PDE4D: variants seen among roughly 807,000 people sequenced by gnomAD.
PDE4D encodes the protein 3',5'-cyclic-AMP phosphodiesterase 4D.
In PDE4D, 24 loss-of-function variants were observed where a neutral mutation model predicts 87.4. The observed-to-expected ratio is 0.27, with a 90% CI of 0.20 to 0.39. The LOEUF (loss-of-function observed/expected upper bound fraction) is 0.39, where lower values mean the gene tolerates loss of function less well. Ranked by LOEUF, PDE4D falls within the 10% of genes least tolerant of loss-of-function variation. PDE4D has a pLI of 1.00. For synonymous variants in PDE4D, 384 were observed against 383.2 expected, an observed-to-expected ratio of 1.00 and a Z score of -0.02; for missense variants, 714 against 1,041.0, an observed-to-expected ratio of 0.69 and a Z score of 4.32.
At chr5:60,276,213 G>A (rs911675612) in intron 1 of PDE4D, among the ~76,000 whole-genome samples, 7 of 152,160 alleles carry the variant, frequency 4.6e-5, no homozygotes, top group African/African-American at 1.7e-4. Flanking sequence ...ATCAATTGTT[G>A]AGAAAGAAGG....
intron 1 of PDE4D, among the ~76,000 whole-genome samples, chr5:59,622,293 C>T (rs1284709329): frequency 6.6e-6 from 1 of 152,066 alleles, no homozygotes; most frequent in Non-Finnish European, 1.5e-5. Context: ...AGTATTATTG[C>T]AGGTATCAAT....
At chr5:60,476,957 A>G (rs1475478886) in intron 1 of PDE4D, among the ~76,000 whole-genome samples, 1 of 152,216 alleles carries the variant, frequency 6.6e-6, no homozygotes, top group Admixed American at 6.5e-5. Flanking sequence ...TTACACTAGT[A>G]TATTACTAAT....
At position 59,477,078 on chromosome 5, in the gene PDE4D, T is replaced by G. The variant is rs1479772023; in HGVS notation, c.456-261110A>C. ...AATTATCAAATTCAAGAATTTGAAT[T>G]TCTATTCACAATTGACAGAATATAT... On this transcript the variant is annotated intron_variant, in intron 1 of 14. Transcript: ENST00000340635. Among the ~76,000 whole-genome samples, 6 of 151,960 alleles carry G rather than the reference T, an allele frequency of 3.9e-5. 1 individual carries two copies. The South Asian group carries it at 1.0e-3, about 26-fold the overall frequency.
intron 2 of PDE4D, among the ~76,000 whole-genome samples, chr5:60,172,701 C>A (rs1783577548): frequency 6.6e-6 from 1 of 152,056 alleles, no homozygotes; most frequent in Non-Finnish European, 1.5e-5. Flanking sequence ...AGGCTTTAAC[C>A]AGGCCATCTT....
At chr5:60,272,214 A>G (rs1427521074) in intron 1 of PDE4D, among the ~76,000 whole-genome samples, 1 of 152,356 alleles carries the variant, frequency 6.6e-6, no homozygotes, top group East Asian at 1.9e-4. Flanking sequence ...ATGACCCCAT[A>G]CAACACAAAT....
intron 2 of PDE4D, among the ~76,000 whole-genome samples, chr5:60,053,212 A>T (rs927814633): frequency 4.6e-5 from 7 of 152,164 alleles, no homozygotes. Context: ...TACAGAACCA[A>T]AAAAGAGCCC....
At chr5:59,183,407 C>A (rs1742130128) in intron 4 of PDE4D, among the ~76,000 whole-genome samples, 1 of 152,146 alleles carries the variant, frequency 6.6e-6, no homozygotes, top group African/African-American at 2.4e-5. Flanking sequence ...AAACTTCTGT[C>A]TTGCATAGAA....
At chr5:59,341,950 T>C (rs528196663) in intron 1 of PDE4D, among the ~76,000 whole-genome samples, 1 of 152,284 alleles carries the variant, frequency 6.6e-6, no homozygotes, top group Non-Finnish European at 1.5e-5. Flanking sequence ...TCTCATTTAA[T>C]ACTTGAATAA....
intron 1 of PDE4D, among the ~76,000 whole-genome samples, chr5:60,450,192 T>TA (rs1207952165): frequency 3.3e-5 from 5 of 152,192 alleles, no homozygotes; most frequent in African/African-American, 7.2e-5. Context: ...CTTACCTTTT[T>TA]AAAAAAATCT....
intron 1 of PDE4D, among the ~76,000 whole-genome samples, chr5:59,868,079 A>T (rs1747309733): frequency 6.6e-6 from 1 of 152,162 alleles, no homozygotes; most frequent in Non-Finnish European, 1.5e-5. Context: ...TTGCAAAGTC[A>T]AGTAAAATTG....
At chr5:60,206,260 T>C (rs1156642181) in intron 1 of PDE4D, among the ~76,000 whole-genome samples, 2 of 152,176 alleles carry the variant, frequency 1.3e-5, no homozygotes, top group East Asian at 3.9e-4. Flanking sequence ...TCTCAGAAAT[T>C]CAAAGCCTTC....
intron 1 of PDE4D, among the ~76,000 whole-genome samples, chr5:59,222,155 T>C (rs560122014): frequency 1.4e-4 from 22 of 152,298 alleles, no homozygotes; most frequent in South Asian, 1.0e-3. Flanking sequence ...TTCTCCACAC[T>C]GTTCCATTTC....
intron 3 of PDE4D, among the ~76,000 whole-genome samples, chr5:59,974,358 T>C (rs1761088254): frequency 6.6e-6 from 1 of 152,184 alleles, no homozygotes; most frequent in African/African-American, 2.4e-5. Context: ...TAGAGTTAGA[T>C]ATAAAAATTA....
At chr5:60,009,333 G>T (rs937528764) in intron 2 of PDE4D, among the ~76,000 whole-genome samples, 2 of 151,938 alleles carry the variant, frequency 1.3e-5, no homozygotes, top group Admixed American at 1.3e-4. Flanking sequence ...AGGCTCACAA[G>T]ATTTTTTTTT....
intron 1 of PDE4D, among the ~76,000 whole-genome samples, chr5:60,481,637 C>T (rs1337213693): frequency 2.0e-5 from 3 of 152,128 alleles, no homozygotes; most frequent in Admixed American, 2.0e-4. Flanking sequence ...ATTTCATCTT[C>T]CTTGACAATT....
At chr5:60,064,161 A>C (rs139722636) in intron 2 of PDE4D, among the ~76,000 whole-genome samples, 1 of 152,214 alleles carries the variant, frequency 6.6e-6, no homozygotes, top group East Asian at 1.9e-4. Flanking sequence ...AAAATAATAA[A>C]TCTATTTCCA....
intron 1 of PDE4D, among the ~76,000 whole-genome samples, chr5:60,316,627 T>C (rs1275629259): frequency 2.0e-5 from 3 of 152,314 alleles, no homozygotes; most frequent in South Asian, 2.1e-4. Context: ...TGTGGGTTTG[T>C]CATAGATAGC....
At chr5:59,014,366 T>G (rs1753523691) in intron 6 of PDE4D, among the ~76,000 whole-genome samples, 2 of 152,312 alleles carry the variant, frequency 1.3e-5, no homozygotes, top group South Asian at 4.1e-4. Flanking sequence ...TGTCCCTGTT[T>G]GCAGATGACA....
At chr5:60,271,988 G>A (rs1364332342) in intron 1 of PDE4D, among the ~76,000 whole-genome samples, 1 of 152,148 alleles carries the variant, frequency 6.6e-6, no homozygotes, top group Non-Finnish European at 1.5e-5. Context: ...ATTCCTTTGT[G>A]GCAGTGCATA....
Sources: allele counts gnomAD v4.1 joint callset (sites outside exome capture counted in the v4.1 genomes callset), GRCh38; gene constraint gnomAD v4.1.1; transcripts MANE v1.5; gene names NCBI Gene and HGNC (gene_info 2026-07-23, HGNC 2026-07-21).